The following PCDHGA10 variants were observed in gnomAD, a reference collection of about 807,000 sequenced individuals.
The protein encoded by PCDHGA10 is protocadherin gamma-A10.
In PCDHGA10, 42 loss-of-function variants were observed where a neutral mutation model predicts 59.5. The ratio of observed to expected loss-of-function variants is 0.71; its 90% CI spans 0.55 to 0.91. The LOEUF (loss-of-function observed/expected upper bound fraction) is 0.91. Among genes scored for constraint, PCDHGA10 ranks in the 40% least tolerant of loss-of-function variants. The pLI is 0.00. For synonymous variants in PCDHGA10, 511 were observed against 517.2 expected, an observed-to-expected ratio of 0.99 and a Z score of 0.16; for missense variants, 1,111 against 1,198.2, an observed-to-expected ratio of 0.93 and a Z score of 1.07.
chr5:141,465,836 A>G (rs974075792), intron 1 of PCDHGA10, among the ~76,000 whole-genome samples: 1 of 151,774 alleles, frequency 6.6e-6, no homozygotes, highest in East Asian at 1.9e-4. Context: ...TAAAATTTCA[A>G]CTGAGGCTGG....
intron 1 of PCDHGA10, among the ~76,000 whole-genome samples, chr5:141,437,716 C>T (rs575174227): frequency 1.2e-4 from 18 of 151,782 alleles, no homozygotes; most frequent in Admixed American, 1.0e-3. Flanking sequence ...CACAGTTACC[C>T]TCTAATGTTA....
At chr5:141,472,323 C>T (rs980684595) in intron 1 of PCDHGA10, among the ~76,000 whole-genome samples, 4 of 151,498 alleles carry the variant, frequency 2.6e-5, no homozygotes, top group East Asian at 2.0e-4. Flanking sequence ...AGGCAGATCA[C>T]GAGGTTGGGA....
intron 1 of PCDHGA10, among the ~76,000 whole-genome samples, chr5:141,447,896 G>C (rs2098554754): frequency 6.6e-6 from 1 of 152,022 alleles, no homozygotes; most frequent in African/African-American, 2.4e-5. Flanking sequence ...GACCAGCCTG[G>C]CCAACATGGT....
At chr5:141,500,278 G>A (rs1338703900) in intron 2 of PCDHGA10, among the ~76,000 whole-genome samples, 2 of 150,508 alleles carry the variant, frequency 1.3e-5, no homozygotes, top group East Asian at 2.0e-4. Context: ...GCGCAATCTC[G>A]GCTCACTGCA....
chr5:141,426,369 A>G, intron 1 of PCDHGA10: 1 of 205,906 alleles, frequency 4.9e-6, no homozygotes, highest in Non-Finnish European at 1.0e-5. Context: ...TCTGCGGGGC[A>G]CCCTCGGAGC....
At position 141,432,180 on chromosome 5, in the gene PCDHGA10, T is replaced by G. The variant is rs943491593; in HGVS notation, c.2436+16569T>G. 2 of 1,614,044 alleles carry G rather than the reference T, an allele frequency of 1.2e-6. No homozygotes were observed. The highest frequency in any genetic ancestry group is 1.7e-6 in the Non-Finnish European group (2 of 1,180,036). ...CCCAGAGGAGTTTCCCTCGTCTCTG[T>G]GACCGCCCACGACCCCGACTGTGAA... On this transcript the variant is annotated intron_variant, in intron 1 of 3. Coordinates refer to ENST00000398610, the MANE Select transcript of PCDHGA10 (RefSeq NM_018913.3). This position sits in a 1 kb window ranked among gnomAD's most constrained non-coding sequence, Gnocchi z 6.0.
Position 141,476,472 on chromosome 5 carries a change from T to C in PCDHGA10, c.2437-18335T>C. On this transcript the variant is annotated intron_variant, in intron 1 of 3. Coordinates refer to ENST00000398610, the MANE Select transcript of PCDHGA10 (RefSeq NM_018913.3). The surrounding 1 kb of genome is among the most constrained non-coding windows in gnomAD (Gnocchi z 7.6). The stretch of plus-strand genomic sequence containing the variant: ...GTAGTGGAGAACCCGCTGGAGCTGT[T>C]CAGCGTGGAAGTGGTGATCCAGGAC... 1 of 1,614,098 alleles carries C rather than the reference T, an allele frequency of 6.2e-7. No homozygotes were observed. The highest frequency in any genetic ancestry group is 8.5e-7 in the Non-Finnish European group (1 of 1,180,024).
In PCDHGA10 at chr5:141,490,175, A is replaced by C; in HGVS notation, c.2437-4632A>C. The C allele has an allele frequency of 1.9e-6, 3 of 1,614,194 alleles. No homozygotes were observed. Among genetic ancestry groups the C allele is most frequent in the East Asian group, 4.5e-5 (2 of 44,884 alleles). On this transcript the variant is annotated intron_variant, in intron 1 of 3. Coordinates refer to ENST00000398610, the MANE Select transcript of PCDHGA10 (RefSeq NM_018913.3). This position sits in a 1 kb window ranked among gnomAD's most constrained non-coding sequence, Gnocchi z 5.4. ...GTGTTGGGTCCCATAGACTTTGAGG[A>C]GTCACGTTTCTATGAAATTCATGCA...
intron 1 of PCDHGA10, among the ~76,000 whole-genome samples, chr5:141,464,901 G>A (rs1562002452): frequency 6.6e-6 from 1 of 151,916 alleles, no homozygotes; most frequent in Non-Finnish European, 1.5e-5. Context: ...ACCATGTCCA[G>A]CTAATTTTTT....
rs1387677265 is a variant in PCDHGA10 at position 141,486,434 on chromosome 5, T to C, written c.2437-8373T>C. 3 of 1,614,150 alleles carry C rather than the reference T, an allele frequency of 1.9e-6. No homozygotes were observed. The highest frequency in any genetic ancestry group is 2.5e-6 in the Non-Finnish European group (3 of 1,179,986). The stretch of plus-strand genomic sequence containing the variant: ...CTTGGATCGAGAGGCCAAATCTAGC[T>C]ATGACATCATGGTCACTGCTTCTGA... On this transcript the variant is annotated intron_variant, in intron 1 of 3. Coordinates refer to ENST00000398610, the MANE Select transcript of PCDHGA10 (RefSeq NM_018913.3). This position sits in a 1 kb window ranked among gnomAD's most constrained non-coding sequence, Gnocchi z 5.0.
chr5:141,419,980 G>T lies in PCDHGA10; in HGVS notation c.2436+4369G>T, dbSNP rs182372807. 1.1e-4 allele frequency: 180 copies of T among 1,614,080 alleles called. No individual in the cohort carries two copies. The East Asian group carries it at 1.1e-3, about 10-fold the overall frequency. On this transcript the variant is annotated intron_variant, in intron 1 of 3. Transcript: ENST00000398610. ...TTTCTGTGCTCTTTCTCCTCGCGGTGATTCTAGCTATTGCTCTACGCCTGC... is the reference window on the plus strand; with the variant it reads ...TTTCTGTGCTCTTTCTCCTCGCGGTTATTCTAGCTATTGCTCTACGCCTGC...
Position 141,511,451 on chromosome 5 carries a change from A to G in PCDHGA10, c.*278A>G, listed in dbSNP as rs2099883797. On this transcript the variant is annotated 3_prime_UTR_variant, in exon 4 of 4. Coordinates refer to ENST00000398610, the MANE Select transcript of PCDHGA10 (RefSeq NM_018913.3). ...GGGGTTACTGTAGACACCAAGAACC[A>G]TTTGCCACACCCCGTTTAGTTACAG... is the stretch of plus-strand genomic sequence containing the variant. The G allele has an allele frequency of 4.9e-6, 3 of 606,372 alleles. No homozygotes were observed. Among genetic ancestry groups the G allele is most frequent in the Non-Finnish European group, 8.1e-6 (3 of 368,942 alleles). The allele number at this position is 606,372 out of a possible 1,614,324, so 37.6% of individuals were successfully genotyped here.
intron 1 of PCDHGA10, among the ~76,000 whole-genome samples, chr5:141,462,442 A>C (rs890167032): frequency 1.3e-5 from 2 of 152,150 alleles, no homozygotes; most frequent in African/African-American, 4.8e-5. Context: ...GCTTACACAC[A>C]ACTGTGTAAC....
chr5:141,496,984 G>C (rs938752499), intron 2 of PCDHGA10, among the ~76,000 whole-genome samples: 1 of 151,896 alleles, frequency 6.6e-6, no homozygotes, highest in Admixed American at 6.6e-5. Context: ...TCAGGGGTTT[G>C]AGACCAGCCT....
intron 1 of PCDHGA10, among the ~76,000 whole-genome samples, chr5:141,453,176 C>A (rs1225418058): frequency 6.6e-6 from 1 of 152,042 alleles, no homozygotes; most frequent in African/African-American, 2.4e-5. Flanking sequence ...TCCAGTGGTA[C>A]AATCACAGCT....
At position 141,432,459 on chromosome 5, in the gene PCDHGA10, T is replaced by A. The variant is rs1230209932; in HGVS notation, c.2436+16848T>A. The A allele has an allele frequency of 1.2e-6, 2 of 1,613,984 alleles. No homozygotes were observed. Among genetic ancestry groups the A allele is most frequent in the South Asian group, 1.1e-5 (1 of 91,082 alleles). ...GCGCCCGAGATCCTGTACCCCGCCCTCCCCACGGACGGTTCCACTGGCGTG... is the reference window on the plus strand; with the variant it reads ...GCGCCCGAGATCCTGTACCCCGCCCACCCCACGGACGGTTCCACTGGCGTG... On this transcript the variant is annotated intron_variant, in intron 1 of 3. Transcript: ENST00000398610. The surrounding 1 kb of genome is among the most constrained non-coding windows in gnomAD (Gnocchi z 6.0).
At chr5:141,478,528 G>A (rs1013766552) in intron 1 of PCDHGA10, 1 of 1,609,730 alleles carries the variant, frequency 6.2e-7, no homozygotes, top group Non-Finnish European at 8.5e-7. Context: ...TGGGTGCAGA[G>A]AGCGCCCCTC....
intron 1 of PCDHGA10, among the ~76,000 whole-genome samples, chr5:141,446,621 C>G (rs1284919173): frequency 6.6e-6 from 1 of 152,094 alleles, no homozygotes; most frequent in African/African-American, 2.4e-5. Context: ...GGACTACAGG[C>G]GTGCACCACC....
Position 141,415,206 on chromosome 5 carries a change from G to A in PCDHGA10, c.2031G>A (p.Ala677=). 4 of 1,614,054 alleles carry A rather than the reference G, an allele frequency of 2.5e-6. No individual in the cohort carries two copies. Among genetic ancestry groups the A allele is most frequent in the African/African-American group, 1.3e-5 (1 of 75,064 alleles). The change falls in exon 1 of 4, where the codon GCG becomes GCA. Residue 677 remains alanine (A), a synonymous_variant. Coordinates refer to ENST00000398610, the MANE Select transcript of PCDHGA10 (RefSeq NM_018913.3). ...AVADSIPQVL[A]DLGSFESPAN... is the part of the protein sequence containing the mutation. Reference sequence around the variant, plus strand: ...CCGACAGCATCCCCCAAGTCCTGGCGGACCTCGGCAGCTTCGAGTCTCCAG... The same window carrying A: ...CCGACAGCATCCCCCAAGTCCTGGCAGACCTCGGCAGCTTCGAGTCTCCAG...
Sources: allele counts gnomAD v4.1 joint callset (sites outside exome capture counted in the v4.1 genomes callset), GRCh38; gene constraint gnomAD v4.1.1; non-coding constraint Gnocchi (gnomAD v3.1); transcripts MANE v1.5; gene names NCBI Gene and HGNC (gene_info 2026-07-23, HGNC 2026-07-21).